Variants in NPAS3 observed in about 807,000 individuals in gnomAD.
NPAS3 encodes neuronal PAS domain protein 3.
NPAS3 carries 14 observed loss-of-function variants against 73.1 expected under a neutral mutation model. The ratio of observed to expected loss-of-function variants is 0.19; its 90% confidence interval spans 0.13 to 0.30. The LOEUF (loss-of-function observed/expected upper bound fraction) is 0.30, where lower values mean the gene tolerates loss of function less well. NPAS3 is among the 10% of genes least tolerant of loss of function. NPAS3 has a pLI of 1.00. For missense variants in NPAS3, 1,096 were observed against 1,250.0 expected, an observed-to-expected ratio of 0.88 and a Z score of 1.86; for synonymous variants, 620 against 541.5, an observed-to-expected ratio of 1.14 and a Z score of -2.01.
chr14:33,615,114 G>T (rs2057872641), intron 5 of NPAS3, among the ~76,000 whole-genome samples: 1 of 152,144 alleles, frequency 6.6e-6, no homozygotes, highest in Non-Finnish European at 1.5e-5. Flanking sequence ...GCAAAGGGCA[G>T]CACTTAGGGC....
chr14:33,170,251 G>A (rs1347490234), intron 2 of NPAS3, among the ~76,000 whole-genome samples: 3 of 152,160 alleles, frequency 2.0e-5, no homozygotes, highest in Non-Finnish European at 4.4e-5. Flanking sequence ...ACATTATGCT[G>A]TAGTCTAAGG....
chr14:33,703,590 T>A (rs1171006308), intron 6 of NPAS3, among the ~76,000 whole-genome samples: 1 of 140,266 alleles, frequency 7.1e-6, no homozygotes, highest in Admixed American at 8.1e-5. Context: ...AAGAAAATTC[T>A]GGTTTTAAAT....
At position 33,434,225 on chromosome 14, in the gene NPAS3, G is replaced by A. The variant is rs534643703; in HGVS notation, c.468+66957G>A. On this transcript the variant is annotated intron_variant, in intron 4 of 11. Transcript: ENST00000356141. ...ATAAATAAATAAACAAACAAACACA[G>A]TAATCAAATTTCTGTAGTTGGCCAG... 1.1e-4 allele frequency among the ~76,000 whole-genome samples: 16 copies of A among 151,150 alleles called. No homozygotes were observed. In the South Asian group the frequency reaches 3.4e-3, roughly 32 times the overall value.
chr14:33,481,362 C>A (rs983520715), intron 4 of NPAS3, among the ~76,000 whole-genome samples: 9 of 152,154 alleles, frequency 5.9e-5, no homozygotes, highest in African/African-American at 1.9e-4. Flanking sequence ...AAGGAACATT[C>A]AAATAAGGTT....
chr14:33,760,490 A>G (rs2062248541), intron 7 of NPAS3, among the ~76,000 whole-genome samples: 1 of 152,198 alleles, frequency 6.6e-6, no homozygotes, highest in South Asian at 2.1e-4. Context: ...TCATTTGGAC[A>G]CTTCAAAAAC....
At chr14:33,040,080 A>T (rs1353221319) in intron 1 of NPAS3, among the ~76,000 whole-genome samples, 1 of 151,950 alleles carries the variant, frequency 6.6e-6, no homozygotes, top group African/African-American at 2.4e-5. Context: ...TACTCCAGTG[A>T]ATTTTATTAA....
At chr14:33,210,813 C>T (rs915456913) in intron 2 of NPAS3, among the ~76,000 whole-genome samples, 1 of 152,052 alleles carries the variant, frequency 6.6e-6, no homozygotes, top group Non-Finnish European at 1.5e-5. Flanking sequence ...ATTTATAAAT[C>T]TTTAAGCATC....
chr14:33,677,011 A>C (rs181838383), intron 6 of NPAS3, among the ~76,000 whole-genome samples: 2 of 152,292 alleles, frequency 1.3e-5, no homozygotes, highest in East Asian at 3.9e-4. Flanking sequence ...TGCATTCAGA[A>C]TGTTCCCATT....
intron 6 of NPAS3, among the ~76,000 whole-genome samples, chr14:33,693,500 A>G (rs1352402804): frequency 1.3e-5 from 2 of 152,164 alleles, no homozygotes; most frequent in Non-Finnish European, 2.9e-5. Flanking sequence ...CAGTGAAATA[A>G]CTAGTCACTT....
At chr14:33,125,713 A>G (rs1477983817) in intron 2 of NPAS3, among the ~76,000 whole-genome samples, 1 of 152,118 alleles carries the variant, frequency 6.6e-6, no homozygotes, top group Non-Finnish European at 1.5e-5. Flanking sequence ...AACCCAGGGT[A>G]TAAAATATTT....
chr14:33,050,635 T>C (rs1466653018), intron 1 of NPAS3, among the ~76,000 whole-genome samples: 2 of 152,222 alleles, frequency 1.3e-5, no homozygotes, highest in Admixed American at 1.3e-4. Flanking sequence ...AGATGATAGA[T>C]TATCATGAAA....
intron 7 of NPAS3, among the ~76,000 whole-genome samples, chr14:33,738,019 A>G (rs2061565557): frequency 6.6e-6 from 1 of 152,076 alleles, no homozygotes; most frequent in African/African-American, 2.4e-5. Flanking sequence ...CCATCACTTT[A>G]TCTGTTGTTG....
intron 1 of NPAS3, among the ~76,000 whole-genome samples, chr14:33,009,682 T>C (rs1048698239): frequency 5.9e-5 from 9 of 152,184 alleles, no homozygotes; most frequent in African/African-American, 2.2e-4. Flanking sequence ...CTTTTCTGTC[T>C]CACTAAGTCC....
At chr14:33,233,755 T>C (rs2139788302) in intron 3 of NPAS3, among the ~76,000 whole-genome samples, 1 of 152,232 alleles carries the variant, frequency 6.6e-6, no homozygotes, top group Non-Finnish European at 1.5e-5. Context: ...TAAATTACCT[T>C]AAGGGAACTC....
intron 2 of NPAS3, among the ~76,000 whole-genome samples, chr14:33,133,320 A>C (rs1310738720): frequency 6.6e-6 from 1 of 152,178 alleles, no homozygotes; most frequent in Non-Finnish European, 1.5e-5. Context: ...TTATGAAGGG[A>C]TTTAGGCACT....
At chr14:33,683,862 A>C (rs1018122584) in intron 6 of NPAS3, among the ~76,000 whole-genome samples, 10 of 152,214 alleles carry the variant, frequency 6.6e-5, no homozygotes, top group African/African-American at 1.9e-4. Context: ...CCACTGTGAT[A>C]ATGGTTGGCA....
intron 5 of NPAS3, among the ~76,000 whole-genome samples, chr14:33,578,690 T>C (rs978003692): frequency 6.6e-6 from 1 of 152,206 alleles, no homozygotes; most frequent in Non-Finnish European, 1.5e-5. Flanking sequence ...GGTTTTCCAA[T>C]GGGTCAGTCA....
chr14:33,546,389 T>C (rs918753806), intron 4 of NPAS3, among the ~76,000 whole-genome samples: 23 of 152,232 alleles, frequency 1.5e-4, no homozygotes, highest in Admixed American at 9.2e-4. Flanking sequence ...TTTAAGCCTA[T>C]GAATAATCCG....
At chr14:33,021,043 C>T (rs1000002420) in intron 1 of NPAS3, among the ~76,000 whole-genome samples, 14 of 152,160 alleles carry the variant, frequency 9.2e-5, no homozygotes, top group African/African-American at 3.4e-4. Flanking sequence ...GCATTACAGG[C>T]GTGAGCCACT....
Sources: gnomAD v4.1 joint callset for allele counts (sites outside exome capture counted in the v4.1 genomes callset) on GRCh38, gnomAD v4.1.1 for gene constraint, MANE v1.5 for transcripts, NCBI Gene and HGNC (gene_info 2026-07-23, HGNC 2026-07-21) for gene names.